LAMA3: variants seen among roughly 807,000 people sequenced by gnomAD.
LAMA3 encodes the protein laminin subunit alpha-3.
In LAMA3, 281 loss-of-function variants were observed where a neutral mutation model predicts 402.0. The observed-to-expected ratio is 0.70, with a 90% CI of 0.63 to 0.77. The LOEUF (loss-of-function observed/expected upper bound fraction) is 0.77, where lower values mean the gene tolerates loss of function less well. Ranked by LOEUF, LAMA3 falls within the 30% of genes least tolerant of loss-of-function variation. The pLI is 0.00. For synonymous variants in LAMA3, 1,431 were observed against 1,558.4 expected, an observed-to-expected ratio of 0.92 and a Z score of 1.93; for missense variants, 3,840 against 4,215.5, an observed-to-expected ratio of 0.91 and a Z score of 2.47.
intron 2 of LAMA3, among the ~76,000 whole-genome samples, chr18:23,741,786 C>T (rs2061567743): frequency 6.6e-6 from 1 of 152,106 alleles, no homozygotes. Flanking sequence ...AATAATAGGA[C>T]AGCTTGGCTT....
At chr18:23,878,372 T>C (rs528552817) in intron 39 of LAMA3, among the ~76,000 whole-genome samples, 1 of 152,390 alleles carries the variant, frequency 6.6e-6, no homozygotes, top group African/African-American at 2.4e-5. Context: ...CAGGAAATCC[T>C]CACTGAGCAT....
At chr18:23,829,375 T>TA (rs752917955) in intron 23 of LAMA3, among the ~76,000 whole-genome samples, 199 of 152,362 alleles carry the variant, frequency 1.3e-3, no homozygotes, top group Non-Finnish European at 2.0e-3. Context: ...ACAGGCATAT[T>TA]GGCTTATTTT....
intron 32 of LAMA3, among the ~76,000 whole-genome samples, chr18:23,852,979 A>C (rs937215654): frequency 2.6e-5 from 4 of 152,168 alleles, no homozygotes; most frequent in African/African-American, 9.7e-5. Flanking sequence ...GCCTTCTACG[A>C]GTCCACAGAG....
rs2143900465 is a variant in LAMA3, at chr18:23,775,835, T to C, written c.1317T>C (p.Gly439=). ...AGCATGCGGATGGCTGTGAACAGGG[T>C]TCAGGCCGCTGTCACTGCAAGCCAA... ...DPEHADGCEQ[G]SGRCHCKPNF... The change falls in exon 10 of 75, where the codon GGT becomes GGC. Residue 439 remains glycine (G), a synonymous_variant. Coordinates refer to ENST00000313654, the MANE Select transcript of LAMA3 (RefSeq NM_198129.4). The C allele has an allele frequency of 6.2e-7, 1 of 1,613,968 alleles. No individual in the cohort carries two copies. Among genetic ancestry groups the C allele is most frequent in the Non-Finnish European group, 8.5e-7 (1 of 1,179,878 alleles).
intron 62 of LAMA3, among the ~76,000 whole-genome samples, chr18:23,926,354 C>T (rs545604078): frequency 6.6e-6 from 1 of 152,194 alleles, no homozygotes; most frequent in Non-Finnish European, 1.5e-5. Flanking sequence ...TCTGGAATGT[C>T]GTTGTCCAAG....
At chr18:23,875,010 T>A (rs574156670) in intron 38 of LAMA3, among the ~76,000 whole-genome samples, 1 of 152,290 alleles carries the variant, frequency 6.6e-6, no homozygotes, top group Admixed American at 6.5e-5. Flanking sequence ...ACTATAGGCA[T>A]GTGCCACCAT....
At chr18:23,690,110 C>A in intron 1 of LAMA3, 133 bp downstream of exon 1, 1 of 727,700 alleles carries the variant, frequency 1.4e-6, no homozygotes, top group Non-Finnish European at 2.1e-6. Flanking sequence ...CAGCCCCCAT[C>A]CCCGCGCGCG....
In LAMA3 at chr18:23,901,275, G is replaced by A; in HGVS notation, c.6153G>A (p.Gln2051=). The A allele has an allele frequency of 6.2e-7, 1 of 1,614,182 alleles. No individual in the cohort carries two copies. The highest frequency in any genetic ancestry group is 8.5e-7 in the Non-Finnish European group (1 of 1,180,024). The change falls in exon 48 of 75, where the codon CAG becomes CAA. Residue 2051 remains glutamine, a synonymous_variant. Transcript: ENST00000313654. Reference sequence around the variant, plus strand: ...AGGAGGCAGCTGCCCAAGCCAAGCAGGCAAATGGCTTGAACCAAGAAAACG... The same window carrying A: ...AGGAGGCAGCTGCCCAAGCCAAGCAAGCAAATGGCTTGAACCAAGAAAACG... ...RLQEAAAQAK[Q]ANGLNQENER... is the part of the protein sequence containing the mutation.
At chr18:23,856,062 C>A (rs564124808) in intron 32 of LAMA3, among the ~76,000 whole-genome samples, 2 of 152,312 alleles carry the variant, frequency 1.3e-5, no homozygotes, top group South Asian at 4.2e-4. Flanking sequence ...CACGACAATC[C>A]TGTGAAGTAG....
intron 2 of LAMA3, among the ~76,000 whole-genome samples, chr18:23,739,404 A>C (rs1409524758): frequency 6.6e-6 from 1 of 152,206 alleles, no homozygotes; most frequent in African/African-American, 2.4e-5. Context: ...AATAAAATTA[A>C]ACATACTGAG....
chr18:23,790,802 T>C (rs935273011), intron 12 of LAMA3, among the ~76,000 whole-genome samples: 2 of 152,166 alleles, frequency 1.3e-5, no homozygotes, highest in Non-Finnish European at 2.9e-5. Flanking sequence ...AAGAAAGCAC[T>C]CTGTCTTATT....
chr18:23,872,449 C>T (rs1212975655), intron 38 of LAMA3, among the ~76,000 whole-genome samples: 1 of 152,148 alleles, frequency 6.6e-6, no homozygotes, highest in Non-Finnish European at 1.5e-5. Context: ...ATAAAAGTAG[C>T]AAACACTCAT....
intron 60 of LAMA3, among the ~76,000 whole-genome samples, chr18:23,917,201 C>T (rs542486606): frequency 1.1e-4 from 16 of 152,238 alleles, no homozygotes; most frequent in African/African-American, 3.1e-4. Flanking sequence ...GACATGATCT[C>T]GTTCTTTTTT....
chr18:23,758,646 T>C (rs1047355348), intron 7 of LAMA3, 135 bp downstream of exon 7: 2 of 652,220 alleles, frequency 3.1e-6, no homozygotes, highest in Non-Finnish European at 5.4e-6. Flanking sequence ...TCTATTGTAA[T>C]AAGAACCTCA....
At chr18:23,806,215 C>A (rs541089837) in intron 12 of LAMA3, among the ~76,000 whole-genome samples, 6 of 152,340 alleles carry the variant, frequency 3.9e-5, no homozygotes, top group African/African-American at 1.2e-4. Flanking sequence ...GGCCCAATTA[C>A]CCCCATTGCA....
intron 55 of LAMA3, among the ~76,000 whole-genome samples, chr18:23,911,641 T>C (rs1362305567): frequency 6.6e-6 from 1 of 151,704 alleles, no homozygotes; most frequent in Non-Finnish European, 1.5e-5. Context: ...GAAGCGCTAT[T>C]TTAGAGAGCC....
chr18:23,884,571 T>G (rs558324909), intron 40 of LAMA3, among the ~76,000 whole-genome samples: 2 of 152,194 alleles, frequency 1.3e-5, no homozygotes, highest in African/African-American at 2.4e-5. Flanking sequence ...TCAGTCCTTG[T>G]TCACCAAAAT....
chr18:23,847,792 A>C lies in LAMA3; in HGVS notation c.4136+124A>C. 3.2e-6 allele frequency: 3 copies of C among 948,292 alleles called. No homozygotes were observed. In the South Asian group the frequency reaches 4.4e-5, roughly 14 times the overall value. 58.7% of individuals were successfully genotyped at this position (948,292 alleles called of 1,614,324 possible). On this transcript the variant is annotated intron_variant, in intron 32 of 74. Coordinates refer to ENST00000313654, the MANE Select transcript of LAMA3 (RefSeq NM_198129.4). ...AGGGGTGCCCTGTGTTGACCTCGGC[A>C]TGAGCTTCCCAGACAGGATGGGTTG... is the stretch of plus-strand genomic sequence containing the variant.
At position 23,773,699 on chromosome 18, in the gene LAMA3, G is replaced by T. The variant is rs914793901; in HGVS notation, c.1273+112G>T. The stretch of plus-strand genomic sequence containing the variant: ...TTCCTTCATGCCCTCTCTCTTCAGA[G>T]TATTAGTTGTGCTCGCTATGTGACC... On this transcript the variant is annotated intron_variant, in intron 9 of 74. Transcript: ENST00000313654. 2.7e-5 allele frequency: 20 copies of T among 735,580 alleles called. No individual in the cohort carries two copies. In the Admixed American group the frequency reaches 4.0e-4, roughly 15 times the overall value. The allele number at this position is 735,580 out of a possible 1,614,324, so 45.6% of individuals were successfully genotyped here. A position where few individuals can be genotyped will look rare whatever the true frequency, so the allele number is the denominator to read the frequency against.
Sources: allele counts gnomAD v4.1 joint callset (sites outside exome capture counted in the v4.1 genomes callset), GRCh38; gene constraint gnomAD v4.1.1; transcripts MANE v1.5; gene names NCBI Gene and HGNC (gene_info 2026-07-23, HGNC 2026-07-21).